ULK2: variants seen among roughly 807,000 people sequenced by gnomAD.
ULK2 encodes the protein serine/threonine-protein kinase ULK2.
ULK2 carries 76 observed loss-of-function variants against 127.5 expected under a neutral mutation model. That is an observed-to-expected ratio of 0.60 (90% CI 0.50 to 0.72). The LOEUF (loss-of-function observed/expected upper bound fraction) is 0.72, where lower values mean the gene tolerates loss of function less well. ULK2 is among the 30% of genes least tolerant of loss of function. The pLI is 0.00. For missense variants in ULK2, 1,144 were observed against 1,295.9 expected, an observed-to-expected ratio of 0.88 and a Z score of 1.80; for synonymous variants, 452 against 461.9, an observed-to-expected ratio of 0.98 and a Z score of 0.28.
At chr17:19,834,290 C>G (rs541636568) in intron 10 of ULK2, among the ~76,000 whole-genome samples, 3 of 151,670 alleles carry the variant, frequency 2.0e-5, no homozygotes, top group African/African-American at 7.2e-5. Context: ...AATGAAGATT[C>G]TGAGAATTTG....
In ULK2 at chr17:19,867,590, G is replaced by T; in HGVS notation, c.-173C>A. On this transcript the variant is annotated 5_prime_UTR_variant, in exon 1 of 27. Transcript: ENST00000395544. The stretch of plus-strand genomic sequence containing the variant: ...AGAGACCGGAGCGGAAACTGGGGAA[G>T]CTGCCGCGCGGAGCCAGGGTCAGCG... 3.1e-6 allele frequency: 1 copy of T among 325,494 alleles called. No homozygotes were observed. The highest frequency in any genetic ancestry group is 5.3e-6 in the Non-Finnish European group (1 of 187,506). 20.2% of individuals were successfully genotyped at this position (325,494 alleles called of 1,614,324 possible).
chr17:19,851,810 C>T (rs575484782), intron 3 of ULK2, among the ~76,000 whole-genome samples: 1 of 151,884 alleles, frequency 6.6e-6, no homozygotes, highest in African/African-American at 2.4e-5. Flanking sequence ...CGGATTACAA[C>T]GTCAGGAGTT....
intron 14 of ULK2, among the ~76,000 whole-genome samples, chr17:19,806,728 T>C (rs1251585000): frequency 6.6e-6 from 1 of 152,174 alleles, no homozygotes; most frequent in African/African-American, 2.4e-5. Flanking sequence ...AGAGGGAAAG[T>C]CTGTGTATGT....
At chr17:19,810,743 T>G (rs2087620745) in intron 13 of ULK2, among the ~76,000 whole-genome samples, 1 of 152,214 alleles carries the variant, frequency 6.6e-6, no homozygotes, top group South Asian at 2.1e-4. Flanking sequence ...ACTGTGCTGT[T>G]TTTATCAGGT....
At chr17:19,817,353 T>C (rs1022895325) in intron 12 of ULK2, among the ~76,000 whole-genome samples, 1 of 152,086 alleles carries the variant, frequency 6.6e-6, no homozygotes, top group African/African-American at 2.4e-5. Context: ...TTTAAATATA[T>C]AATGAAGAAA....
rs1392518246 is a variant in ULK2 at position 19,809,605 on chromosome 17, T to C, written c.1157+773A>G. ...AAAATTAGCTGGGCATGGTGGTGCG[T>C]ACCTGTAATCCCATCTACTCAGGAG... On this transcript the variant is annotated intron_variant, in intron 14 of 26. Coordinates refer to ENST00000395544, the MANE Select transcript of ULK2 (RefSeq NM_014683.4). 2.6e-5 allele frequency among the ~76,000 whole-genome samples: 4 copies of C among 151,812 alleles called. No homozygotes were observed. In the East Asian group the frequency reaches 7.8e-4, roughly 30 times the overall value.
rs753507705 is a variant in ULK2, at chr17:19,785,991, T to A, written c.2197A>T (p.Ser733Cys). Reference protein sequence around the residue: ...VLFTVGSPPHSAAAPTCTHMF... With the variant: ...VLFTVGSPPHCAAAPTCTHMF... ...TGGGTACAAGTGGGGGCTGCCGCAC[T>A]GTGTGGAGGAGACCCTACAGTGAAG... The change falls in exon 21 of 27, where the codon AGT becomes TGT. Residue 733 changes from serine (S) to cysteine (C), a missense_variant. This residue lies in a region of ULK2 where 913 missense variants were observed against 970.5 expected (regional missense o/e 0.94). Transcript: ENST00000395544. The A allele has an allele frequency of 1.4e-5, 22 of 1,589,690 alleles. No homozygotes were observed. The highest frequency in any genetic ancestry group is 1.8e-5 in the Non-Finnish European group (21 of 1,171,380).
chr17:19,803,342 C>A (rs7216958), intron 15 of ULK2, among the ~76,000 whole-genome samples: 8,251 of 152,136 alleles, frequency 0.054, 648 homozygotes, highest in African/African-American at 0.16. Context: ...TAAGGACATT[C>A]TTTTGTACTG....
intron 20 of ULK2, among the ~76,000 whole-genome samples, chr17:19,789,094 G>C (rs1215529194): frequency 1.3e-5 from 2 of 152,164 alleles, no homozygotes; most frequent in African/African-American, 2.4e-5. Flanking sequence ...AGCGAACATA[G>C]GTAGTAGCCA....
intron 3 of ULK2, among the ~76,000 whole-genome samples, chr17:19,857,599 A>G (rs1280572062): frequency 6.6e-6 from 1 of 152,214 alleles, no homozygotes; most frequent in Admixed American, 6.6e-5. Flanking sequence ...GATACTAAAA[A>G]TTACCAAGAG....
Position 19,799,360 on chromosome 17 carries a change from C to A in ULK2, c.1522+135G>T, listed in dbSNP as rs1233393786. The A allele has an allele frequency of 8.4e-6, 6 of 710,756 alleles. No homozygotes were observed. The East Asian group carries it at 1.9e-4, about 22-fold the overall frequency. 44.0% of individuals were successfully genotyped at this position (710,756 alleles called of 1,614,324 possible). ...TTATGACATATTAAACCACATTAGA[C>A]CAAGATTCTAAAAATCAGGATGGCA... On this transcript the variant is annotated intron_variant, in intron 17 of 26. Transcript: ENST00000395544.
intron 3 of ULK2, among the ~76,000 whole-genome samples, chr17:19,854,893 G>A (rs995177098): frequency 6.6e-6 from 1 of 151,888 alleles, no homozygotes; most frequent in Non-Finnish European, 1.5e-5. Context: ...GAGGTCAGGA[G>A]TTCAAGACCA....
intron 17 of ULK2, among the ~76,000 whole-genome samples, chr17:19,799,274 A>C (rs2087342584): frequency 6.6e-6 from 1 of 152,122 alleles, no homozygotes; most frequent in African/African-American, 2.4e-5. Context: ...CAAGTTATTT[A>C]ATTTCTAAGA....
chr17:19,865,941 T>C (rs1597832325), intron 1 of ULK2, 113 bp from the exon 2 acceptor site: 6 of 616,314 alleles, frequency 9.7e-6, no homozygotes, highest in Admixed American at 3.7e-5. Context: ...TGGGGAAAAA[T>C]GGAATTATTT....
chr17:19,810,528 G>C, intron 13 of ULK2, 90 bp from the exon 14 acceptor site: 1 of 739,640 alleles, frequency 1.4e-6, no homozygotes, highest in South Asian at 2.2e-5. Flanking sequence ...AGGATTTCAT[G>C]CACGATGCAA....
chr17:19,847,703 C>A (rs757718857), intron 5 of ULK2, among the ~76,000 whole-genome samples: 6 of 152,170 alleles, frequency 3.9e-5, no homozygotes, highest in Non-Finnish European at 2.9e-5. Context: ...GCATGTATCA[C>A]CATGCCCAGC....
At chr17:19,848,224 G>A (rs2041934977) in intron 5 of ULK2, 1 of 152,162 alleles carries the variant, frequency 6.6e-6, no homozygotes, top group Non-Finnish European at 1.5e-5. Flanking sequence ...TTATTACAAT[G>A]AGTCTAAAAG....
chr17:19,825,310 C>T (rs2041260727), intron 11 of ULK2, 128 bp from the exon 12 acceptor site: 1 of 688,894 alleles, frequency 1.5e-6, no homozygotes, highest in East Asian at 2.7e-5. Flanking sequence ...CTATTTATTA[C>T]CACATCTGCT....
rs574720846 is a variant in ULK2, at chr17:19,861,275, G to A, written c.225+3528C>T. ...AAATAATCTAAGCAAGGCCGGGCGC[G>A]GTGGCTCACGCCTGTTATCCCAGCA... On this transcript the variant is annotated intron_variant, in intron 3 of 26. Transcript: ENST00000395544. Among the ~76,000 whole-genome samples the A allele has an allele frequency of 4.6e-5, 7 of 152,198 alleles. No homozygotes were observed. The South Asian group carries it at 1.0e-3, about 23-fold the overall frequency.
Sources: gnomAD v4.1 joint callset for allele counts (sites outside exome capture counted in the v4.1 genomes callset) on GRCh38, gnomAD v4.1.1 for gene constraint, gnomAD v4.1.1 regional missense constraint, MANE v1.5 for transcripts, NCBI Gene and HGNC (gene_info 2026-07-23, HGNC 2026-07-21) for gene names.